Variants in PLSCR4 observed in about 807,000 individuals in gnomAD.
The protein encoded by PLSCR4 is phospholipid scramblase 4.
A neutral mutation model predicts 36.3 loss-of-function variants in PLSCR4; 25 were observed. The ratio of observed to expected loss-of-function variants is 0.69; its 90% CI spans 0.50 to 0.96. The LOEUF is 0.96. Ranked by LOEUF, PLSCR4 falls within the 40% of genes least tolerant of loss-of-function variation. The pLI is 0.00. For missense variants in PLSCR4, 408 were observed against 414.7 expected (o/e 0.98, Z 0.14); for synonymous variants, 122 against 132.9 (o/e 0.92, Z 0.56).
intron 3 of PLSCR4, among the ~76,000 whole-genome samples, chr3:146,211,807 A>C (rs1264908788): frequency 6.6e-6 from 1 of 152,144 alleles, no homozygotes; most frequent in Non-Finnish European, 1.5e-5. Context: ...TGTTGAAAAG[A>C]GTATTCTTTC....
In PLSCR4 at chr3:146,199,219, C is replaced by G. The variant is rs1464003231; in HGVS notation, c.624+594G>C. On this transcript the variant is annotated intron_variant, in intron 6 of 8. Transcript: ENST00000354952. ...AGGTGACATATCTAGAATTCAGACTCTGTTTGGTTTCTCTCCAAAACCGCT... is the reference window on the plus strand; with the variant it reads ...AGGTGACATATCTAGAATTCAGACTGTGTTTGGTTTCTCTCCAAAACCGCT... 6.6e-5 allele frequency among the ~76,000 whole-genome samples: 10 copies of G among 152,104 alleles called. 1 individual carries two copies. The highest frequency in any genetic ancestry group is 4.4e-5 in the Non-Finnish European group (3 of 67,992).
chr3:146,196,507 T>C, intron 7 of PLSCR4, 125 bp downstream of exon 7: 1 of 894,866 alleles, frequency 1.1e-6, no homozygotes, highest in South Asian at 1.8e-5. Flanking sequence ...AACTGGTTAA[T>C]TAACTCTTTC....
intron 1 of PLSCR4, among the ~76,000 whole-genome samples, chr3:146,231,370 T>C (rs757414406): frequency 1.3e-5 from 2 of 152,210 alleles, no homozygotes; most frequent in African/African-American, 2.4e-5. Flanking sequence ...CCTTTTGGTA[T>C]GTACCCAGTG....
chr3:146,224,680 C>G (rs977060534), intron 1 of PLSCR4, among the ~76,000 whole-genome samples: 25 of 151,968 alleles, frequency 1.6e-4, no homozygotes, highest in Non-Finnish European at 2.9e-4. Flanking sequence ...TGGAAGGGGA[C>G]CCGAGCGGGT....
In PLSCR4 at chr3:146,206,872, T is replaced by C. The variant is rs1047869201; in HGVS notation, c.119-111A>G. 4 of 698,932 alleles carry C rather than the reference T, an allele frequency of 5.7e-6. No homozygotes were observed. The African/African-American group carries it at 7.2e-5, about 13-fold the overall frequency. 43.3% of individuals were successfully genotyped at this position (698,932 alleles called of 1,614,324 possible). ...ACATCCACTTAAATATAACAACTTG[T>C]TCCATTTTTGATTCACACTTTATGC... On this transcript the variant is annotated intron_variant, in intron 3 of 8. Coordinates refer to ENST00000354952, the MANE Select transcript of PLSCR4 (RefSeq NM_020353.3).
At chr3:146,204,881 C>T (rs1270833028) in intron 4 of PLSCR4, among the ~76,000 whole-genome samples, 3 of 151,984 alleles carry the variant, frequency 2.0e-5, no homozygotes, top group Non-Finnish European at 2.9e-5. Flanking sequence ...TAGCACTTCA[C>T]CTGAATGAGT....
chr3:146,248,575 C>A (rs974376847), intron 1 of PLSCR4, among the ~76,000 whole-genome samples: 5 of 151,966 alleles, frequency 3.3e-5, no homozygotes, highest in Non-Finnish European at 2.9e-5. Flanking sequence ...CAAGTTAGAA[C>A]ATTTAGAGCT....
intron 1 of PLSCR4, among the ~76,000 whole-genome samples, chr3:146,237,497 A>T (rs969109352): frequency 1.3e-5 from 2 of 152,170 alleles, no homozygotes; most frequent in Non-Finnish European, 2.9e-5. Flanking sequence ...GAGCCTCAAT[A>T]AATTTTTAAA....
intron 1 of PLSCR4, among the ~76,000 whole-genome samples, chr3:146,237,287 C>T (rs77159228): frequency 0.017 from 2,562 of 152,178 alleles, 78 homozygotes; most frequent in African/African-American, 0.058. Flanking sequence ...ATAACAATTA[C>T]ATACTTATGT....
intron 3 of PLSCR4, among the ~76,000 whole-genome samples, chr3:146,215,231 A>G (rs576766079): frequency 4.1e-4 from 63 of 152,006 alleles, no homozygotes; most frequent in Non-Finnish European, 5.2e-4. Flanking sequence ...AGAAAATATG[A>G]AACTGTATTA....
chr3:146,195,657 T>G (rs16858019), intron 7 of PLSCR4, among the ~76,000 whole-genome samples: 11,027 of 152,242 alleles, frequency 0.072, 1,332 homozygotes, highest in African/African-American at 0.25. Flanking sequence ...CAAGTACTGT[T>G]CACTTCACAT....
intron 2 of PLSCR4, 91 bp downstream of exon 2, chr3:146,221,974 A>C (rs1454573280): frequency 9.5e-6 from 6 of 629,756 alleles, no homozygotes; most frequent in Non-Finnish European, 1.3e-5. Context: ...TAAACAAAAA[A>C]AAATCGAAAT....
chr3:146,231,500 C>T (rs2035711398), intron 1 of PLSCR4, among the ~76,000 whole-genome samples: 1 of 152,110 alleles, frequency 6.6e-6, no homozygotes, highest in Non-Finnish European at 1.5e-5. Context: ...ATTCCTTTTT[C>T]TCTGTAACTT....
At chr3:146,232,163 G>C (rs1292254723) in intron 1 of PLSCR4, among the ~76,000 whole-genome samples, 1 of 152,078 alleles carries the variant, frequency 6.6e-6, no homozygotes, top group African/African-American at 2.4e-5. Flanking sequence ...TCAGATGGTT[G>C]TAAGTGTGCA....
At chr3:146,228,598 CTTATA>C (rs931477254) in intron 1 of PLSCR4, among the ~76,000 whole-genome samples, 5 of 152,074 alleles carry the variant, frequency 3.3e-5, no homozygotes, top group Non-Finnish European at 7.4e-5. Context: ...AGTGACAATA[CTTATA>C]TTATTCAGAT....
chr3:146,248,994 A>AT (rs1453655393), intron 1 of PLSCR4, among the ~76,000 whole-genome samples: 1 of 152,096 alleles, frequency 6.6e-6, no homozygotes, highest in African/African-American at 2.4e-5. Flanking sequence ...CACTCTGCTT[A>AT]TTATTTGCAT....
Position 146,220,801 on chromosome 3 carries a change from A to C in PLSCR4, c.118+14T>G. On this transcript the variant is annotated intron_variant, in intron 3 of 8. Coordinates refer to ENST00000354952, the MANE Select transcript of PLSCR4 (RefSeq NM_020353.3). ...TTAGCAAAGGAGAATATCTTTTATG[A>C]ATATTTAACCCACCTGGTAAAAAAT... 3 of 1,476,004 alleles carry C rather than the reference A, an allele frequency of 2.0e-6. No homozygotes were observed. Among genetic ancestry groups the C allele is most frequent in the Non-Finnish European group, 2.8e-6 (3 of 1,056,612 alleles). 91.4% of individuals were successfully genotyped at this position (1,476,004 alleles called of 1,614,324 possible).
At chr3:146,242,701 G>C (rs78992733) in intron 1 of PLSCR4, among the ~76,000 whole-genome samples, 3 of 152,164 alleles carry the variant, frequency 2.0e-5, no homozygotes, top group Non-Finnish European at 4.4e-5. Flanking sequence ...AAAAACCAGA[G>C]ACCCAGAACC....
chr3:146,222,133 TAATA>T (rs1347988556), intron 1 of PLSCR4, 41 bp from the exon 2 acceptor site: 16 of 726,242 alleles, frequency 2.2e-5, no homozygotes, highest in African/African-American at 9.3e-5. Flanking sequence ...AATACATACA[TAATA>T]AATAGTATTG....
Sources: gnomAD v4.1 joint callset for allele counts (sites outside exome capture counted in the v4.1 genomes callset) on GRCh38, gnomAD v4.1.1 for gene constraint, MANE v1.5 for transcripts, NCBI Gene and HGNC (gene_info 2026-07-23, HGNC 2026-07-21) for gene names.